The following MRC2 variants were observed in gnomAD, a reference collection of about 807,000 sequenced individuals.
MRC2 encodes the protein mannose receptor C-type 2, also known as C-type mannose receptor 2.
In MRC2, 84 loss-of-function variants were observed where a neutral mutation model predicts 206.2. That is an observed-to-expected ratio of 0.41 (90% CI 0.34 to 0.49). MRC2 has a LOEUF of 0.49. Among genes scored for constraint, MRC2 ranks in the 20% least tolerant of loss-of-function variants. MRC2 has a pLI of 0.31. For missense variants in MRC2, 1,676 were observed against 2,001.5 expected (o/e 0.84, Z 3.10); for synonymous variants, 798 against 800.0 (o/e 1.00, Z 0.04).
In MRC2 at chr17:62,661,706, T is replaced by G. The variant is rs1383739792; in HGVS notation, c.119-2842T>G. The G allele has an allele frequency of 2.6e-5, 4 of 152,186 alleles. No homozygotes were observed. In the East Asian group the frequency reaches 7.7e-4, roughly 29 times the overall value. The allele number at this position is 152,186 out of a possible 1,614,324, so 9.4% of individuals were successfully genotyped here. On this transcript the variant is annotated intron_variant, in intron 1 of 29. Coordinates refer to ENST00000303375, the MANE Select transcript of MRC2 (RefSeq NM_006039.5). ...ACTATGAACAACCAATTGAGATAAC[T>G]CACCATCTTTGGACCAGCCAGAGGC...
chr17:62,685,096 C>T (rs554415287), intron 20 of MRC2, among the ~76,000 whole-genome samples: 9 of 151,940 alleles, frequency 5.9e-5, no homozygotes, highest in Middle Eastern at 6.8e-3. Flanking sequence ...GAGCTGAGAT[C>T]GAGCCACTGC....
chr17:62,675,002 A>G lies in MRC2; in HGVS notation c.1570-788A>G, dbSNP rs1314371168. 6.6e-6 allele frequency among the ~76,000 whole-genome samples: 1 copy of G among 152,128 alleles called. No individual in the cohort carries two copies. Among genetic ancestry groups the G allele is most frequent in the Non-Finnish European group, 1.5e-5 (1 of 67,998 alleles). ...AGGAAACACTAACAGGCATGGCCCC[A>G]TGGGCGAGGAAGCAGAGGGGAGAGC... On this transcript the variant is annotated intron_variant, in intron 9 of 29. Transcript: ENST00000303375. This position sits in a 1 kb window ranked among gnomAD's most constrained non-coding sequence, Gnocchi z 4.1.
At chr17:62,670,702 G>T (rs919010491) in intron 6 of MRC2, among the ~76,000 whole-genome samples, 3 of 152,226 alleles carry the variant, frequency 2.0e-5, no homozygotes, top group Admixed American at 6.5e-5. Context: ...CAGCCCTGGG[G>T]TTCAGGGTTA....
At position 62,671,300 on chromosome 17, in the gene MRC2, G is replaced by C. The variant is rs2088822998; in HGVS notation, c.1118-349G>C. On this transcript the variant is annotated intron_variant, in intron 6 of 29. Transcript: ENST00000303375. This position sits in a 1 kb window ranked among gnomAD's most constrained non-coding sequence, Gnocchi z 4.5. ...TGCCCAGTCTGTTCTTGAACTACTG[G>C]GCTCAAGCAATCCTCCAGCCTTAGC... Among the ~76,000 whole-genome samples the C allele has an allele frequency of 6.6e-6, 1 of 151,932 alleles. No individual in the cohort carries two copies. The highest frequency in any genetic ancestry group is 1.5e-5 in the Non-Finnish European group (1 of 67,988).
chr17:62,688,190 G>A (rs1270756746), intron 20 of MRC2, 99 bp from the exon 21 acceptor site: 4 of 989,820 alleles, frequency 4.0e-6, no homozygotes, highest in South Asian at 1.5e-5. Flanking sequence ...GCCCTCAAAG[G>A]CCCCCCAGGA....
rs755645072 is a variant in MRC2 at position 62,677,280 on chromosome 17, G to A, written c.1846G>A (p.Gly616Arg). The A allele has an allele frequency of 6.2e-7, 1 of 1,602,766 alleles. No individual in the cohort carries two copies. Among genetic ancestry groups the A allele is most frequent in the Non-Finnish European group, 8.5e-7 (1 of 1,174,908 alleles). Residue 616 changes from glycine to arginine, a missense_variant, in exon 12 of 30, where the codon GGG becomes AGG. Physicochemically the swap from Gly to Arg is moderately radical, Grantham distance 125 (BLOSUM62 -2). Around this residue, in one of 3 missense-constraint regions of MRC2, gnomAD observed 1,354 missense variants for 1,636.6 expected, o/e 0.83. Transcript: ENST00000303375. ...WNRDQPGYSR[G>R]GCVALATGSA... ...TCCCTCTCCTTCAGGGTACAGCCGT[G>A]GGGGCTGCGTGGCGCTGGCCACTGG...
At chr17:62,645,293 A>C (rs947881907) in intron 1 of MRC2, among the ~76,000 whole-genome samples, 4 of 151,858 alleles carry the variant, frequency 2.6e-5, no homozygotes, top group African/African-American at 9.7e-5. Context: ...TCCATTTCAC[A>C]GATAAAGAAA....
Position 62,664,913 on chromosome 17 carries a change from G to C in MRC2, c.484G>C (p.Gly162Arg). Residue 162 changes from glycine to arginine, a missense_variant, in exon 2 of 30, where the codon GGC becomes CGC. This residue lies in a region of MRC2 where 318 missense variants were observed against 346.7 expected (regional missense o/e 0.92). Transcript: ENST00000303375. The surrounding 1 kb of genome is among the most constrained non-coding windows in gnomAD (Gnocchi z 4.7). The part of the protein sequence containing the change: ...QTRSGQWRIY[G>R]SEEDLCALPY... ...CCGCAGTGGCCAGTGGCGCATCTACGGCAGCGAGGAGGACCTATGTGCTCT... is the reference window on the plus strand; with the variant it reads ...CCGCAGTGGCCAGTGGCGCATCTACCGCAGCGAGGAGGACCTATGTGCTCT... 9 of 1,612,232 alleles carry C rather than the reference G, an allele frequency of 5.6e-6. No individual in the cohort carries two copies. The highest frequency in any genetic ancestry group is 7.6e-6 in the Non-Finnish European group (9 of 1,179,866).
chr17:62,645,721 G>A (rs372845546), intron 1 of MRC2, among the ~76,000 whole-genome samples: 1 of 150,414 alleles, frequency 6.6e-6, no homozygotes, highest in African/African-American at 2.4e-5. Flanking sequence ...TGTATTTTAT[G>A]TAGAGATGGG....
chr17:62,636,004 G>A (rs2147429658), intron 1 of MRC2, among the ~76,000 whole-genome samples: 1 of 151,646 alleles, frequency 6.6e-6, no homozygotes, highest in Middle Eastern at 3.4e-3. Flanking sequence ...AGCCAGGATG[G>A]TCTCAATCTC....
intron 28 of MRC2, 145 bp downstream of exon 28, chr17:62,691,273 C>T (rs535957294): frequency 6.4e-6 from 6 of 944,488 alleles, no homozygotes; most frequent in South Asian, 3.8e-5. Flanking sequence ...CTGGGACCCC[C>T]GGGATAAATT....
Position 62,681,903 on chromosome 17 carries a change from G to A in MRC2, c.2769G>A (p.Lys923=), listed in dbSNP as rs2088972613. The part of the protein sequence containing the change: ...WAPGKPRPVG[K]DKKCVYMTAS... Reference sequence around the variant, plus strand: ...CAGGCAAACCTCGGCCTGTCGGCAAGGACAAGAAGTGCGTGTACATGACAG... The same window carrying A: ...CAGGCAAACCTCGGCCTGTCGGCAAAGACAAGAAGTGCGTGTACATGACAG... Residue 923 remains lysine (K), a synonymous_variant, in exon 19 of 30, where the codon AAG becomes AAA. Transcript: ENST00000303375. The A allele has an allele frequency of 6.2e-7, 1 of 1,613,956 alleles. No individual in the cohort carries two copies. The highest frequency in any genetic ancestry group is 1.3e-5 in the African/African-American group (1 of 75,060).
chr17:62,634,877 C>G (rs545619785), intron 1 of MRC2, among the ~76,000 whole-genome samples: 1 of 150,840 alleles, frequency 6.6e-6, no homozygotes, highest in South Asian at 2.1e-4. Context: ...GTCACCCAGG[C>G]TGGAGTGCAG....
chr17:62,633,230 A>T (rs1174768937), intron 1 of MRC2, among the ~76,000 whole-genome samples: 1 of 152,032 alleles, frequency 6.6e-6, no homozygotes. Flanking sequence ...AGGGTGGGTG[A>T]GGTGGCTCAT....
chr17:62,690,445 T>G, intron 26 of MRC2, 140 bp downstream of exon 26: 1 of 1,353,652 alleles, frequency 7.4e-7, no homozygotes, highest in Non-Finnish European at 1.0e-6. Flanking sequence ...CTCTCACATG[T>G]GGAGACCATA....
intron 10 of MRC2, 105 bp from the exon 11 acceptor site, chr17:62,676,278 A>C: frequency 1.4e-6 from 2 of 1,406,372 alleles, no homozygotes; most frequent in Non-Finnish European, 1.9e-6. Flanking sequence ...TGAGCAAGTT[A>C]TTGGTCGGGT....
In MRC2 at chr17:62,690,286, G is replaced by A. The variant is rs374605770; in HGVS notation, c.3873G>A (p.Ala1291=). The change falls in exon 26 of 30, where the codon GCG becomes GCA. Residue 1291 remains alanine (A), a synonymous_variant. Transcript: ENST00000303375. ...HMELLLGHKE[A]RQRCQRAGGA... is the part of the protein sequence containing the mutation. ...AGCTGCTGCTGGGCCACAAGGAGGC[G>A]CGACAGCGCTGCCAGAGAGGTGGGT... is the stretch of plus-strand genomic sequence containing the variant. The A allele has an allele frequency of 5.0e-5, 81 of 1,611,764 alleles. 1 individual carries two copies. In the Middle Eastern group the frequency reaches 6.5e-3, roughly 129 times the overall value.
intron 20 of MRC2, among the ~76,000 whole-genome samples, chr17:62,684,938 T>G (rs1598996198): frequency 6.6e-6 from 1 of 152,216 alleles, no homozygotes; most frequent in South Asian, 2.1e-4. Context: ...ATCAGGAGTT[T>G]GAGACCAACC....
intron 10 of MRC2, 78 bp from the exon 11 acceptor site, chr17:62,676,305 C>A: frequency 6.4e-7 from 1 of 1,567,316 alleles, no homozygotes; most frequent in South Asian, 1.2e-5. Flanking sequence ...CCCGAGCTCC[C>A]ACGGTAGGGC....
Sources: gnomAD v4.1 joint callset for allele counts (sites outside exome capture counted in the v4.1 genomes callset) on GRCh38, gnomAD v4.1.1 for gene constraint, gnomAD v4.1.1 regional missense constraint, Gnocchi (gnomAD v3.1) non-coding constraint, MANE v1.5 for transcripts, NCBI Gene and HGNC (gene_info 2026-07-23, HGNC 2026-07-21) for gene names.